Variants in AKAP11 observed in about 807,000 individuals in gnomAD.
AKAP11 encodes A-kinase anchoring protein 11.
AKAP11 carries 36 observed loss-of-function variants against 146.1 expected under a neutral mutation model. The observed-to-expected ratio is 0.25, with a 90% CI of 0.19 to 0.33. The LOEUF (loss-of-function observed/expected upper bound fraction) is 0.33. Ranked by LOEUF, AKAP11 falls within the 10% of genes least tolerant of loss-of-function variation. AKAP11 has a pLI of 1.00. For synonymous variants in AKAP11, 780 were observed against 786.5 expected (o/e 0.99, Z 0.14); for missense variants, 2,201 against 2,197.0 (o/e 1.00, Z -0.04).
At chr13:42,311,816 G>T (rs1960579529) in intron 9 of AKAP11, among the ~76,000 whole-genome samples, 1 of 152,050 alleles carries the variant, frequency 6.6e-6, no homozygotes, top group Non-Finnish European at 1.5e-5. Flanking sequence ...ATCTGACAAT[G>T]AACTACATGG....
intron 6 of AKAP11, among the ~76,000 whole-genome samples, chr13:42,297,715 T>A (rs1348528235): frequency 6.6e-6 from 1 of 151,986 alleles, no homozygotes; most frequent in East Asian, 1.9e-4. Context: ...TTGTTGATAA[T>A]GCATCAGAGA....
rs758574375 is a variant in AKAP11 at position 42,302,864 on chromosome 13, A to G, written c.4118A>G (p.Tyr1373Cys). ...IMDQYANRLA[Y>C]RSVKSGLQEA... ...GATCAGTATGCCAATAGGCTTGCCT[A>G]CCGATCTGTTAAATCAGGATTACAG... The change falls in exon 8 of 13, where the codon TAC becomes TGC. Residue 1373 changes from tyrosine to cysteine, a missense_variant. Tyr to Cys is a radical substitution (Grantham distance 194). Coordinates refer to ENST00000025301, the MANE Select transcript of AKAP11 (RefSeq NM_016248.4). 3 of 1,614,116 alleles carry G rather than the reference A, an allele frequency of 1.9e-6. No individual in the cohort carries two copies. Among genetic ancestry groups the G allele is most frequent in the Non-Finnish European group, 1.7e-6 (2 of 1,180,020 alleles).
Position 42,300,226 on chromosome 13 carries a change from A to G in AKAP11, c.1480A>G (p.Ser494Gly). Residue 494 changes from serine (S) to glycine (G), a missense_variant, in exon 8 of 13, where the codon AGC becomes GGC. By Grantham distance (56) the Ser-to-Gly change is moderately conservative. Around this residue, in one of 3 missense-constraint regions of AKAP11, gnomAD observed 1,867 missense variants for 1,833.5 expected, o/e 1.02. Transcript: ENST00000025301. ...TTACACCTATGAAGACTATGCAAAA[A>G]GCATTTCATGTGAAGTACTAGGCTC... ...VYYTYEDYAK[S>G]ISCEVLGSVL... is the part of the protein sequence containing the mutation. 1 of 1,613,982 alleles carries G rather than the reference A, an allele frequency of 6.2e-7. No homozygotes were observed. The highest frequency in any genetic ancestry group is 1.1e-5 in the South Asian group (1 of 91,068).
rs975076838 is a variant in AKAP11 at position 42,299,468 on chromosome 13, A to G, written c.722A>G (p.Gln241Arg). 3 of 1,613,958 alleles carry G rather than the reference A, an allele frequency of 1.9e-6. No homozygotes were observed. The highest frequency in any genetic ancestry group is 2.5e-6 in the Non-Finnish European group (3 of 1,179,850). Reference protein sequence around the residue: ...HDLKILISSGQQKSLAKPSTS... With the variant: ...HDLKILISSGRQKSLAKPSTS... ...TTAAAGATTCTCATTAGCTCTGGAC[A>G]GCAGAAGTCATTGGCTAAACCCTCA... The change falls in exon 8 of 13, where the codon CAG becomes CGG. Residue 241 changes from glutamine to arginine, a missense_variant. Gln to Arg is a conservative substitution (Grantham distance 43). This residue lies in a region of AKAP11 where 331 missense variants were observed against 347.4 expected (regional missense o/e 0.95). Transcript: ENST00000025301.
intron 1 of AKAP11, among the ~76,000 whole-genome samples, chr13:42,281,073 T>C (rs989554256): frequency 4.6e-5 from 7 of 152,162 alleles, no homozygotes; most frequent in Non-Finnish European, 7.4e-5. Context: ...AATAGGAAAT[T>C]AGATATACAG....
chr13:42,288,996 C>T (rs1341836825), intron 3 of AKAP11, among the ~76,000 whole-genome samples: 1 of 152,152 alleles, frequency 6.6e-6, no homozygotes, highest in Non-Finnish European at 1.5e-5. Flanking sequence ...GATCAGTTGA[C>T]TAAGGTGATA....
chr13:42,306,029 C>G (rs1033975057), intron 8 of AKAP11, among the ~76,000 whole-genome samples: 3 of 152,144 alleles, frequency 2.0e-5, no homozygotes, highest in Admixed American at 6.5e-5. Flanking sequence ...CACCTCCCAC[C>G]AGGTCCCTCC....
At chr13:42,287,461 T>G (rs574738395) in intron 3 of AKAP11, among the ~76,000 whole-genome samples, 1 of 152,096 alleles carries the variant, frequency 6.6e-6, no homozygotes, top group South Asian at 2.1e-4. Flanking sequence ...TTTTTTTGTA[T>G]TTTTAGTAGA....
At chr13:42,307,424 GTAGGGAGT>G (rs1960317679) in intron 8 of AKAP11, among the ~76,000 whole-genome samples, 1 of 152,106 alleles carries the variant, frequency 6.6e-6, no homozygotes, top group Non-Finnish European at 1.5e-5. Flanking sequence ...ATAAAGCAAG[GTAGGGAGT>G]TAGGGAGTTA....
In AKAP11 at chr13:42,303,769, A is replaced by G; in HGVS notation, c.5023A>G (p.Ser1675Gly). 1.2e-6 allele frequency: 2 copies of G among 1,614,160 alleles called. No individual in the cohort carries two copies. Among genetic ancestry groups the G allele is most frequent in the Non-Finnish European group, 1.7e-6 (2 of 1,180,002 alleles). The part of the protein sequence containing the change: ...ELSSTSLAAD[S>G]GIGQEGASFA... ...GAGCAGTACCAGCCTGGCAGCCGAC[A>G]GTGGGATCGGACAGGAGGGTGCCAG... Residue 1675 changes from serine to glycine, a missense_variant, in exon 8 of 13, where the codon AGT (serine) becomes GGT (glycine). Physicochemically the swap from Ser to Gly is moderately conservative, Grantham distance 56. Coordinates refer to ENST00000025301, the MANE Select transcript of AKAP11 (RefSeq NM_016248.4).
chr13:42,304,440 A>G (rs548216405), intron 8 of AKAP11, among the ~76,000 whole-genome samples: 47 of 152,216 alleles, frequency 3.1e-4, no homozygotes, highest in Non-Finnish European at 5.0e-4. Flanking sequence ...GCTTGATGCT[A>G]TCTGCAGTTT....
In AKAP11 at chr13:42,299,709, T is replaced by C; in HGVS notation, c.963T>C (p.Asp321=). 1 of 1,613,916 alleles carries C rather than the reference T, an allele frequency of 6.2e-7. No individual in the cohort carries two copies. Among genetic ancestry groups the C allele is most frequent in the Non-Finnish European group, 8.5e-7 (1 of 1,179,890 alleles). Residue 321 remains aspartate, a synonymous_variant, in exon 8 of 13, where the codon GAT becomes GAC. Coordinates refer to ENST00000025301, the MANE Select transcript of AKAP11 (RefSeq NM_016248.4). ...CSSPSPVIFL[D]EEGYQKSLKA... Reference sequence around the variant, plus strand: ...GTCCAAGTCCTGTTATTTTCTTGGATGAAGAGGGATATCAAAAAAGCTTAA... The same window carrying C: ...GTCCAAGTCCTGTTATTTTCTTGGACGAAGAGGGATATCAAAAAAGCTTAA...
rs750851408 is a variant in AKAP11, at chr13:42,301,233, A to G, written c.2487A>G (p.Lys829=). ...TTGCCACAAAAAACAGAGAAGAAAA[A>G]GCAGCTTGTCTCAGAAATATTTGTT... is the stretch of plus-strand genomic sequence containing the variant. ...VHIATKNREE[K]AACLRNICLP... Residue 829 remains lysine (K), a synonymous_variant, in exon 8 of 13, where the codon AAA becomes AAG. Coordinates refer to ENST00000025301, the MANE Select transcript of AKAP11 (RefSeq NM_016248.4). 165 of 1,613,896 alleles carry G rather than the reference A, an allele frequency of 1.0e-4. No individual in the cohort carries two copies. Among genetic ancestry groups the G allele is most frequent in the Non-Finnish European group, 1.3e-4 (158 of 1,179,974 alleles).
chr13:42,299,314 A>G, intron 7 of AKAP11, 49 bp from the exon 8 acceptor site: 1 of 1,508,750 alleles, frequency 6.6e-7, no homozygotes, highest in South Asian at 1.3e-5. Context: ...GTTAATTTCC[A>G]AAAAGTTTTG....
intron 11 of AKAP11, 123 bp from the exon 12 acceptor site, chr13:42,317,405 A>G: frequency 9.9e-7 from 1 of 1,013,132 alleles, no homozygotes; most frequent in South Asian, 1.9e-5. Flanking sequence ...AAAAAGATGG[A>G]TATTTTTTTC....
chr13:42,322,176 T>C lies in AKAP11; in HGVS notation c.*2948T>C, dbSNP rs922742399. 2 of 152,314 alleles carry C rather than the reference T, an allele frequency of 1.3e-5. No homozygotes were observed. The highest frequency in any genetic ancestry group is 4.8e-5 in the African/African-American group (2 of 41,454). 9.4% of individuals were successfully genotyped at this position (152,314 alleles called of 1,614,324 possible). A position where few individuals can be genotyped will look rare whatever the true frequency, so the allele number is the denominator to read the frequency against. ...CATGGTGAATATATGTGATAACATC[T>C]TTATACTTTGAAAAATGTTCCACTT... On this transcript the variant is annotated 3_prime_UTR_variant, in exon 13 of 13. Transcript: ENST00000025301.
chr13:42,315,386 C>T (rs554047473), intron 11 of AKAP11, among the ~76,000 whole-genome samples: 25 of 152,282 alleles, frequency 1.6e-4, no homozygotes, highest in African/African-American at 5.8e-4. Context: ...ATATTCCCCA[C>T]TGCAATATTT....
chr13:42,316,873 G>GT (rs1019404115), intron 11 of AKAP11, among the ~76,000 whole-genome samples: 118 of 152,194 alleles, frequency 7.8e-4, no homozygotes, highest in African/African-American at 2.7e-3. Context: ...TGAGATTTCT[G>GT]TTTTTTTGTG....
At chr13:42,304,943 G>T (rs1048397034) in intron 8 of AKAP11, among the ~76,000 whole-genome samples, 1 of 152,060 alleles carries the variant, frequency 6.6e-6, no homozygotes, top group African/African-American at 2.4e-5. Flanking sequence ...TAGAGACAGG[G>T]TTTCACCAAG....
Sources: allele counts gnomAD v4.1 joint callset (sites outside exome capture counted in the v4.1 genomes callset), GRCh38; gene constraint gnomAD v4.1.1; regional missense constraint gnomAD v4.1.1; transcripts MANE v1.5; gene names NCBI Gene and HGNC (gene_info 2026-07-23, HGNC 2026-07-21).